Variants in PLCB4 observed in about 807,000 individuals in gnomAD.
The protein encoded by PLCB4 is phospholipase C beta 4, also known as 1-phosphatidylinositol 4,5-bisphosphate phosphodiesterase beta-4.
PLCB4 carries 77 observed loss-of-function variants against 178.8 expected under a neutral mutation model. That is an observed-to-expected ratio of 0.43 (90% CI 0.36 to 0.52). PLCB4 has a LOEUF of 0.52. Ranked by LOEUF, PLCB4 falls within the 20% of genes least tolerant of loss-of-function variation. PLCB4 has a pLI of 0.00. For missense variants in PLCB4, 1,024 were observed against 1,453.4 expected (o/e 0.70, Z 4.80); for synonymous variants, 496 against 490.8 (o/e 1.01, Z -0.14).
intron 3 of PLCB4, among the ~76,000 whole-genome samples, chr20:9,225,771 G>A (rs944646973): frequency 1.3e-5 from 2 of 152,174 alleles, no homozygotes; most frequent in African/African-American, 4.8e-5. Flanking sequence ...CTATAAGAGA[G>A]AGGGAACAAT....
intron 38 of PLCB4, 71 bp downstream of exon 38, chr20:9,473,436 C>T: frequency 2.6e-6 from 2 of 776,102 alleles, no homozygotes; most frequent in Non-Finnish European, 4.4e-6. Flanking sequence ...CCATGGCCCA[C>T]AGTGACCAGT....
At chr20:9,202,991 C>T (rs1218455774) in intron 2 of PLCB4, among the ~76,000 whole-genome samples, 1 of 139,152 alleles carries the variant, frequency 7.2e-6, no homozygotes, top group Non-Finnish European at 1.5e-5. Flanking sequence ...AGTGGGCCAG[C>T]ATATGAGGTA....
chr20:9,170,419 T>C (rs1911451880), intron 2 of PLCB4, among the ~76,000 whole-genome samples: 2 of 152,194 alleles, frequency 1.3e-5, no homozygotes, highest in South Asian at 4.1e-4. Flanking sequence ...ATTCTTATCA[T>C]GTTTTATGAG....
chr20:9,312,037 C>T (rs1601772260), intron 4 of PLCB4, among the ~76,000 whole-genome samples: 1 of 152,252 alleles, frequency 6.6e-6, no homozygotes, highest in African/African-American at 2.4e-5. Flanking sequence ...TCAACTCAAA[C>T]TACAACCAGA....
chr20:9,478,979 C>G lies in PLCB4; in HGVS notation c.3591C>G (p.Asn1197Lys). ...IGSRDGPQTS[N>K]SSMKLQNAN is the part of the protein sequence containing the mutation. ...GCCGAGATGGACCGCAGACCAGCAA[C>G]AGTAGTATGAAACTCCAAAATGCAA... The change falls in exon 40 of 40, where the codon AAC (asparagine) becomes AAG (lysine). Residue 1197 changes from asparagine (N) to lysine (K), a missense_variant. Physicochemically the swap from Asn to Lys is moderately conservative, Grantham distance 94. Around this residue, in one of 7 missense-constraint regions of PLCB4, gnomAD observed 264 missense variants for 283.2 expected, o/e 0.93. Coordinates refer to ENST00000378473, the MANE Select transcript of PLCB4 (RefSeq NM_001377142.1). 2 of 1,613,452 alleles carry G rather than the reference C, an allele frequency of 1.2e-6. No individual in the cohort carries two copies. The highest frequency in any genetic ancestry group is 1.7e-6 in the Non-Finnish European group (2 of 1,179,542).
At chr20:9,419,257 A>T (rs1326794344) in intron 25 of PLCB4, among the ~76,000 whole-genome samples, 1 of 152,150 alleles carries the variant, frequency 6.6e-6, no homozygotes, top group Admixed American at 6.5e-5. Flanking sequence ...GTGAATGTAG[A>T]CAACAATCCA....
chr20:9,287,701 A>C (rs2094547028), intron 3 of PLCB4, among the ~76,000 whole-genome samples: 1 of 152,088 alleles, frequency 6.6e-6, no homozygotes, highest in African/African-American at 2.4e-5. Context: ...GATAGATTTT[A>C]ATATTACAGA....
intron 10 of PLCB4, 130 bp downstream of exon 10, chr20:9,371,425 T>A: frequency 2.2e-6 from 1 of 463,370 alleles, no homozygotes; most frequent in East Asian, 3.4e-5. Flanking sequence ...TGACATATAG[T>A]ACAGTTAATT....
At chr20:9,241,389 TACACACACAC>T (rs11470548) in intron 3 of PLCB4, among the ~76,000 whole-genome samples, 10 of 148,254 alleles carry the variant, frequency 6.7e-5, no homozygotes, top group East Asian at 5.9e-4. Context: ...CATGCATGCA[TACACACACAC>T]ACACACACAC....
At chr20:9,331,923 C>G (rs1353303116) in intron 4 of PLCB4, among the ~76,000 whole-genome samples, 2 of 152,136 alleles carry the variant, frequency 1.3e-5, no homozygotes, top group Non-Finnish European at 2.9e-5. Context: ...ACAGAATGCC[C>G]TCTGGCCTCT....
At chr20:9,330,442 C>T (rs993680520) in intron 4 of PLCB4, among the ~76,000 whole-genome samples, 2 of 152,020 alleles carry the variant, frequency 1.3e-5, no homozygotes, top group Non-Finnish European at 2.9e-5. Flanking sequence ...AGGCAGTGTT[C>T]GTTTATTGAC....
At chr20:9,453,206 A>G (rs1193905849) in intron 32 of PLCB4, 141 bp from the exon 33 acceptor site, 4 of 589,094 alleles carry the variant, frequency 6.8e-6, no homozygotes, top group Non-Finnish European at 1.2e-5. Flanking sequence ...GGAGATCTGG[A>G]GTCTGTACTG....
intron 36 of PLCB4, among the ~76,000 whole-genome samples, chr20:9,470,624 G>A (rs1334831257): frequency 6.6e-6 from 1 of 152,174 alleles, no homozygotes; most frequent in Non-Finnish European, 1.5e-5. Context: ...TGGAGTTACT[G>A]CTAACTTAAT....
chr20:9,212,414 C>T (rs970466849), intron 2 of PLCB4, among the ~76,000 whole-genome samples: 2 of 152,182 alleles, frequency 1.3e-5, no homozygotes, highest in Admixed American at 6.5e-5. Flanking sequence ...GAGGACATCA[C>T]ATGCTAGTCT....
At chr20:9,211,808 T>A (rs1000198551) in intron 2 of PLCB4, among the ~76,000 whole-genome samples, 1 of 152,258 alleles carries the variant, frequency 6.6e-6, no homozygotes, top group African/African-American at 2.4e-5. Context: ...CCATGCATTC[T>A]ACATTACCTC....
At position 9,421,400 on chromosome 20, in the gene PLCB4, G is replaced by A. The variant is rs750632084; in HGVS notation, c.2258G>A (p.Arg753His). ...ACCATACGTAAGGAATTCCGAACTC[G>A]CATGGTTATGAATAATGGACTCAAT... ...TDTIRKEFRTRMVMNNGLNPV... is the reference protein window; with the variant it reads ...TDTIRKEFRTHMVMNNGLNPV... Residue 753 changes from arginine (R) to histidine (H), a missense_variant, in exon 27 of 40, where the codon CGC (arginine) becomes CAC (histidine). Physicochemically the swap from Arg to His is conservative, Grantham distance 29. Coordinates refer to ENST00000378473, the MANE Select transcript of PLCB4 (RefSeq NM_001377142.1). 31 of 1,613,668 alleles carry A rather than the reference G, an allele frequency of 1.9e-5. No homozygotes were observed. The highest frequency in any genetic ancestry group is 1.7e-4 in the Middle Eastern group (1 of 6,048).
At chr20:9,082,466 A>G (rs771501634) in intron 1 of PLCB4, among the ~76,000 whole-genome samples, 6 of 152,188 alleles carry the variant, frequency 3.9e-5, no homozygotes, top group Admixed American at 1.3e-4. Context: ...TGGAGCATTA[A>G]TAGGACTTAA....
chr20:9,259,355 A>G (rs1178251759), intron 3 of PLCB4, among the ~76,000 whole-genome samples: 2 of 152,192 alleles, frequency 1.3e-5, no homozygotes, highest in Non-Finnish European at 1.5e-5. Flanking sequence ...CGTGTAAAAA[A>G]TAGATAGTAC....
intron 3 of PLCB4, among the ~76,000 whole-genome samples, chr20:9,296,659 C>A (rs918011525): frequency 6.6e-6 from 1 of 152,070 alleles, no homozygotes; most frequent in African/African-American, 2.4e-5. Flanking sequence ...ACATATACAC[C>A]ATGGAATACT....
Sources: gnomAD v4.1 joint callset for allele counts (sites outside exome capture counted in the v4.1 genomes callset) on GRCh38, gnomAD v4.1.1 for gene constraint, gnomAD v4.1.1 regional missense constraint, MANE v1.5 for transcripts, NCBI Gene and HGNC (gene_info 2026-07-23, HGNC 2026-07-21) for gene names.